TAF3: variants seen among roughly 807,000 people sequenced by gnomAD.
TAF3 encodes TATA-box binding protein associated factor 3, also known as transcription initiation factor TFIID subunit 3.
TAF3 carries 7 observed loss-of-function variants against 80.6 expected under a neutral mutation model. The observed-to-expected ratio is 0.09, with a 90% CI of 0.05 to 0.16. The LOEUF (loss-of-function observed/expected upper bound fraction) is 0.16, where lower values mean the gene tolerates loss of function less well. Ranked by LOEUF, TAF3 falls within the 10% of genes least tolerant of loss-of-function variation. The pLI, the probability that TAF3 is intolerant of heterozygous loss-of-function variation, is 1.00. For synonymous variants in TAF3, 444 were observed against 446.1 expected (o/e 1.00, Z 0.06); for missense variants, 921 against 1,140.2 (o/e 0.81, Z 2.77).
In TAF3 at chr10:7,964,299, A is replaced by G. The variant is rs750241647; in HGVS notation, c.789A>G (p.Leu263=). 1.2e-6 allele frequency: 2 copies of G among 1,614,110 alleles called. No individual in the cohort carries two copies. Among genetic ancestry groups the G allele is most frequent in the East Asian group, 2.2e-5 (1 of 44,904 alleles). ...AKSQMPTAKP[L]ETKSFTPKTK... is the part of the protein sequence containing the mutation. ...CACAAATGCCAACTGCAAAACCATT[A>G]GAAACAAAGTCATTTACACCTAAAA... The change falls in exon 3 of 7, where the codon TTA becomes TTG. Residue 263 remains leucine (L), a synonymous_variant. Coordinates refer to ENST00000344293, the MANE Select transcript of TAF3 (RefSeq NM_031923.4). This position sits in a 1 kb window ranked among gnomAD's most constrained non-coding sequence, Gnocchi z 4.1.
chr10:7,828,707 G>T (rs987669113), intron 2 of TAF3, among the ~76,000 whole-genome samples: 1 of 151,394 alleles, frequency 6.6e-6, no homozygotes, highest in African/African-American at 2.4e-5. Flanking sequence ...TCTTCTGGGG[G>T]GGTCTGTTGA....
At chr10:7,920,940 A>G (rs970396471) in intron 2 of TAF3, among the ~76,000 whole-genome samples, 1 of 152,216 alleles carries the variant, frequency 6.6e-6, no homozygotes, top group African/African-American at 2.4e-5. Flanking sequence ...CCTAGCTTTA[A>G]TGTAAACATT....
chr10:7,912,335 A>G (rs1420426795), intron 2 of TAF3, among the ~76,000 whole-genome samples: 1 of 152,122 alleles, frequency 6.6e-6, no homozygotes, highest in Non-Finnish European at 1.5e-5. Flanking sequence ...CCTGGGCTCA[A>G]GCGATCATTC....
chr10:7,966,284 C>G (rs745653199), intron 3 of TAF3, among the ~76,000 whole-genome samples: 14 of 152,152 alleles, frequency 9.2e-5, no homozygotes, highest in Non-Finnish European at 1.9e-4. Flanking sequence ...TTATTCCTTC[C>G]GTTTTCTGCT....
chr10:7,847,898 T>A (rs540450037), intron 2 of TAF3, among the ~76,000 whole-genome samples: 236 of 152,188 alleles, frequency 1.6e-3, no homozygotes, highest in African/African-American at 5.1e-3. Context: ...GCCTCCCGAG[T>A]AGCTGAGACT....
intron 4 of TAF3, among the ~76,000 whole-genome samples, chr10:7,991,024 T>TTAGG (rs1359617258): frequency 1.3e-5 from 2 of 152,202 alleles, no homozygotes; most frequent in Non-Finnish European, 2.9e-5. Context: ...ACCTTCAAGG[T>TTAGG]TAGGAGCTGC....
At chr10:7,900,187 A>G (rs925329183) in intron 2 of TAF3, among the ~76,000 whole-genome samples, 9 of 152,230 alleles carry the variant, frequency 5.9e-5, no homozygotes, top group African/African-American at 2.2e-4. Context: ...TTTGAACATC[A>G]TAGTTTAGCC....
At chr10:7,850,933 ATTG>A (rs1837021039) in intron 2 of TAF3, among the ~76,000 whole-genome samples, 1 of 152,070 alleles carries the variant, frequency 6.6e-6, no homozygotes, top group African/African-American at 2.4e-5. Context: ...GCACATATTT[ATTG>A]TTCTCTGATT....
intron 2 of TAF3, among the ~76,000 whole-genome samples, chr10:7,923,982 T>C (rs1837791464): frequency 6.6e-6 from 1 of 152,224 alleles, no homozygotes; most frequent in Non-Finnish European, 1.5e-5. Flanking sequence ...TTTTTAAAAA[T>C]TTGATAGAAA....
intron 2 of TAF3, among the ~76,000 whole-genome samples, chr10:7,885,317 G>T (rs914081666): frequency 2.0e-5 from 3 of 151,856 alleles, no homozygotes; most frequent in Non-Finnish European, 4.4e-5. Context: ...CCTACCCCCA[G>T]TGTAGTTAGT....
At chr10:7,905,465 T>C (rs942684913) in intron 2 of TAF3, among the ~76,000 whole-genome samples, 4 of 152,212 alleles carry the variant, frequency 2.6e-5, no homozygotes, top group Admixed American at 2.6e-4. Flanking sequence ...CATTCACTTT[T>C]TTAGTTTGGA....
At chr10:7,923,605 C>CA (rs568094730) in intron 2 of TAF3, among the ~76,000 whole-genome samples, 2 of 147,816 alleles carry the variant, frequency 1.4e-5, no homozygotes, top group Admixed American at 6.7e-5. Context: ...CAAAACAAAA[C>CA]AAAAAAACCC....
At chr10:7,837,127 C>T (rs2131110437) in intron 2 of TAF3, among the ~76,000 whole-genome samples, 1 of 152,248 alleles carries the variant, frequency 6.6e-6, no homozygotes, top group South Asian at 2.1e-4. Context: ...CTTTGGGAGG[C>T]CAAGGTGGGC....
At chr10:7,909,271 A>G (rs1837635752) in intron 2 of TAF3, among the ~76,000 whole-genome samples, 1 of 152,182 alleles carries the variant, frequency 6.6e-6, no homozygotes, top group Non-Finnish European at 1.5e-5. Flanking sequence ...GCTCTAGTTG[A>G]TTCTTGTACA....
intron 2 of TAF3, among the ~76,000 whole-genome samples, chr10:7,948,063 T>A (rs1168048983): frequency 1.4e-5 from 2 of 144,368 alleles, no homozygotes; most frequent in Non-Finnish European, 3.1e-5. Flanking sequence ...TTTATGACTC[T>A]GATTTTTTTT....
chr10:7,885,120 G>C (rs1445502776), intron 2 of TAF3, among the ~76,000 whole-genome samples: 1 of 151,952 alleles, frequency 6.6e-6, no homozygotes, highest in Non-Finnish European at 1.5e-5. Flanking sequence ...CAGAGTGTCT[G>C]TTTGGGTTGA....
At chr10:7,905,221 C>T (rs1486903424) in intron 2 of TAF3, among the ~76,000 whole-genome samples, 4 of 152,088 alleles carry the variant, frequency 2.6e-5, no homozygotes, top group East Asian at 1.9e-4. Context: ...AGAGGTAGAC[C>T]GTACAGAAAC....
rs770625707 is a variant in TAF3, at chr10:8,009,992, G to T, written c.2568+662G>T. On this transcript the variant is annotated intron_variant, in intron 5 of 6. Transcript: ENST00000344293. The surrounding 1 kb of genome is among the most constrained non-coding windows in gnomAD (Gnocchi z 4.1). ...AGTGGTACGATCTCGGCTCACTGCA[G>T]CCCCTGCCTCCCAGGCTCAAGCGAT... Among the ~76,000 whole-genome samples the T allele has an allele frequency of 1.8e-4, 27 of 151,294 alleles. No homozygotes were observed. Among genetic ancestry groups the T allele is most frequent in the Non-Finnish European group, 2.7e-4 (18 of 67,790 alleles).
At chr10:7,997,727 AC>A (rs1831902819) in intron 4 of TAF3, among the ~76,000 whole-genome samples, 2 of 152,206 alleles carry the variant, frequency 1.3e-5, no homozygotes, top group Non-Finnish European at 2.9e-5. Flanking sequence ...TCTCTGTGAG[AC>A]ATTGCTTATT....
Sources: allele counts gnomAD v4.1 joint callset (sites outside exome capture counted in the v4.1 genomes callset), GRCh38; gene constraint gnomAD v4.1.1; non-coding constraint Gnocchi (gnomAD v3.1); transcripts MANE v1.5; gene names NCBI Gene and HGNC (gene_info 2026-07-23, HGNC 2026-07-21).